CFAP46: variants seen among roughly 807,000 people sequenced by gnomAD.
The protein encoded by CFAP46 is cilia and flagella associated protein 46.
CFAP46 carries 245 observed loss-of-function variants against 325.7 expected under a neutral mutation model. The observed-to-expected ratio is 0.75, with a 90% CI of 0.68 to 0.84. CFAP46 has a LOEUF of 0.84. Ranked by LOEUF, CFAP46 falls within the 40% of genes least tolerant of loss-of-function variation. CFAP46 has a pLI of 0.00. For missense variants in CFAP46, 3,346 were observed against 3,543.0 expected (o/e 0.94, Z 1.41); for synonymous variants, 1,523 against 1,495.9 (o/e 1.02, Z -0.42).
Position 132,835,332 on chromosome 10 carries a change from C to T in CFAP46, c.6716G>A (p.Ser2239Asn). The change falls in exon 47 of 58, where the codon AGT becomes AAT. Residue 2239 changes from serine (S) to asparagine (N), a missense_variant. Coordinates refer to ENST00000368586, the MANE Select transcript of CFAP46 (RefSeq NM_001200049.3). The stretch of plus-strand genomic sequence containing the variant: ...GCCTATGTTCAGGGCCATGTCCTCA[C>T]TGTACACCTGGGCCTGGGTCTGCTT... Reference protein sequence around the residue: ...FRKQTQAQVYSEDMALNIGSE... With the variant: ...FRKQTQAQVYNEDMALNIGSE... 6.2e-7 allele frequency: 1 copy of T among 1,613,570 alleles called. No individual in the cohort carries two copies.
At chr10:132,910,192 A>C in intron 19 of CFAP46, 124 bp from the exon 20 acceptor site, 2 of 920,552 alleles carry the variant, frequency 2.2e-6, no homozygotes, top group Non-Finnish European at 2.9e-6. Flanking sequence ...GGCCTTAAAC[A>C]CGAGACCTCA....
At position 132,910,055 on chromosome 10, in the gene CFAP46, G is replaced by T. The variant is rs1339647575; in HGVS notation, c.2513C>A (p.Ala838Asp). 6 of 1,503,286 alleles carry T rather than the reference G, an allele frequency of 4.0e-6. No individual in the cohort carries two copies. The South Asian group carries it at 7.8e-5, about 19-fold the overall frequency. The allele number at this position is 1,503,286 out of a possible 1,614,324, so 93.1% of individuals were successfully genotyped here. ...CGCACTCCCATTGGTCAGGTTCAGG[G>T]CAAACTCGCAGACCTAGGACAGACG... Reference protein sequence around the residue: ...IKTAVEVCEFALNLTNGSAPE... With the variant: ...IKTAVEVCEFDLNLTNGSAPE... The change falls in exon 20 of 58, where the codon GCC becomes GAC. Residue 838 changes from alanine (A) to aspartate (D), a missense_variant. Ala to Asp is a moderately radical substitution (Grantham distance 126). Transcript: ENST00000368586.
Position 132,832,979 on chromosome 10 carries a change from T to C in CFAP46, c.7117+379A>G, listed in dbSNP as rs913538811. Among the ~76,000 whole-genome samples the C allele has an allele frequency of 5.3e-5, 8 of 152,146 alleles. No homozygotes were observed. The highest frequency in any genetic ancestry group is 1.7e-4 in the African/African-American group (7 of 41,422). ...TTTTGAGTGTTTATATATATACATA[T>C]ATATTTTATTTTTGACAGGGTCTCA... On this transcript the variant is annotated intron_variant, in intron 50 of 57. Coordinates refer to ENST00000368586, the MANE Select transcript of CFAP46 (RefSeq NM_001200049.3). The surrounding 1 kb of genome is among the most constrained non-coding windows in gnomAD (Gnocchi z 4.1).
At position 132,869,232 on chromosome 10, in the gene CFAP46, G is replaced by A. The variant is rs145933645; in HGVS notation, c.4610+42C>T. 4.5e-5 allele frequency: 66 copies of A among 1,472,474 alleles called. No individual in the cohort carries two copies. The African/African-American group carries it at 5.7e-4, about 13-fold the overall frequency. 91.2% of individuals were successfully genotyped at this position (1,472,474 alleles called of 1,614,324 possible). ...GCTTTCACCTGGCCGCACCAAGGGC[G>A]AGACTCAAACCCCAGGCGGCGCAGG... is the stretch of plus-strand genomic sequence containing the variant. On this transcript the variant is annotated intron_variant, in intron 33 of 57. Coordinates refer to ENST00000368586, the MANE Select transcript of CFAP46 (RefSeq NM_001200049.3). The surrounding 1 kb of genome is among the most constrained non-coding windows in gnomAD (Gnocchi z 6.2).
intron 17 of CFAP46, among the ~76,000 whole-genome samples, chr10:132,913,805 T>C (rs1277126005): frequency 8.6e-6 from 1 of 116,046 alleles, no homozygotes; most frequent in Admixed American, 9.2e-5. Flanking sequence ...GGGGGCTGCA[T>C]GGGGCAGAGC....
intron 24 of CFAP46, among the ~76,000 whole-genome samples, chr10:132,897,604 G>A (rs1015028483): frequency 6.6e-6 from 1 of 152,264 alleles, no homozygotes; most frequent in Non-Finnish European, 1.5e-5. Context: ...CTGGGGCCAG[G>A]AAGCTGCATC....
At chr10:132,812,731 G>T in intron 55 of CFAP46, 54 bp downstream of exon 55, 1 of 1,342,400 alleles carries the variant, frequency 7.4e-7, no homozygotes, top group Non-Finnish European at 1.1e-6. Context: ...TCTGCCCTCA[G>T]GCGGGTTTGT....
chr10:132,850,199 G>A, intron 41 of CFAP46, 45 bp downstream of exon 41: 1 of 1,535,976 alleles, frequency 6.5e-7, no homozygotes, highest in South Asian at 1.2e-5. Context: ...AGGCACGGGT[G>A]ACTGGTGTTG....
chr10:132,821,267 G>C (rs551031547), intron 50 of CFAP46, among the ~76,000 whole-genome samples: 1 of 142,958 alleles, frequency 7.0e-6, no homozygotes, highest in Admixed American at 6.9e-5. Context: ...GAGCGCTGAT[G>C]TGTGCTGTGT....
In CFAP46 at chr10:132,808,509, T is replaced by C; in HGVS notation, c.8060A>G (p.Gln2687Arg). ...RGWSCVSSRG[Q>R]DKGGLPLAAL... is the part of the protein sequence containing the mutation. ...CGCCAAGGGGAGGCCGCCCTTGTCC[T>C]GGCCCCGGGAAGAGACGCAGCTCCA... Residue 2687 changes from glutamine to arginine, a missense_variant, in exon 58 of 58, where the codon CAG becomes CGG. Physicochemically the swap from Gln to Arg is conservative, Grantham distance 43. Coordinates refer to ENST00000368586, the MANE Select transcript of CFAP46 (RefSeq NM_001200049.3). This position sits in a 1 kb window ranked among gnomAD's most constrained non-coding sequence, Gnocchi z 6.8. 6.2e-7 allele frequency: 1 copy of C among 1,613,218 alleles called. No individual in the cohort carries two copies.
In CFAP46 at chr10:132,850,660, C is replaced by G. The variant is rs564042943; in HGVS notation, c.5764-228G>C. Among the ~76,000 whole-genome samples, 8 of 152,152 alleles carry G rather than the reference C, an allele frequency of 5.3e-5. No homozygotes were observed. The East Asian group carries it at 1.5e-3, about 29-fold the overall frequency. The stretch of plus-strand genomic sequence containing the variant: ...CTCACTGACAAATCAGTTTTAGGCC[C>G]GTCTTTGGTCCATTTATACTTATGT... On this transcript the variant is annotated intron_variant, in intron 40 of 57. Coordinates refer to ENST00000368586, the MANE Select transcript of CFAP46 (RefSeq NM_001200049.3).
chr10:132,942,141 T>C (rs1299173627), intron 1 of CFAP46, 37 bp from the exon 2 acceptor site: 14 of 1,549,922 alleles, frequency 9.0e-6, no homozygotes, highest in Non-Finnish European at 1.1e-5. Flanking sequence ...GTTTGGTCAC[T>C]GGGCTGGGAG....
intron 22 of CFAP46, among the ~76,000 whole-genome samples, chr10:132,902,629 G>C (rs1849406808): frequency 6.6e-6 from 1 of 152,172 alleles, no homozygotes; most frequent in South Asian, 2.1e-4. Flanking sequence ...TCTGTTGGCT[G>C]TTTTTTCTAT....
rs372092733 is a variant in CFAP46 at position 132,834,164 on chromosome 10, T to C, written c.6867-41A>G. On this transcript the variant is annotated intron_variant, in intron 48 of 57. Transcript: ENST00000368586. ...TATATTCGGGTTTAAGAAACAGAGA[T>C]AACAAACGCTTGGAATATAGGCGAC... is the stretch of plus-strand genomic sequence containing the variant. 4 of 1,590,404 alleles carry C rather than the reference T, an allele frequency of 2.5e-6. No homozygotes were observed. In the African/African-American group the frequency reaches 5.4e-5, roughly 21 times the overall value.
intron 24 of CFAP46, chr10:132,898,697 CTG>C (rs1306304150): frequency 1.1e-5 from 6 of 557,726 alleles, no homozygotes; most frequent in Non-Finnish European, 2.0e-5. Flanking sequence ...CTACCCGCTG[CTG>C]TGTGTCTCCA....
At chr10:132,849,748 G>A (rs1479283686) in intron 41 of CFAP46, among the ~76,000 whole-genome samples, 1 of 152,194 alleles carries the variant, frequency 6.6e-6, no homozygotes, top group Non-Finnish European at 1.5e-5. Flanking sequence ...GCTGTAGGGG[G>A]TGGGGGATGG....
rs145408424 is a variant in CFAP46 at position 132,846,824 on chromosome 10, G to A, written c.6267+108C>T. On this transcript the variant is annotated intron_variant, in intron 43 of 57. Transcript: ENST00000368586. The stretch of plus-strand genomic sequence containing the variant: ...CACTGCTTAAGGACCCTGGCCTGCG[G>A]CCTGCTTCTCTAATGGAGTCCCCCC... 349 of 1,371,180 alleles carry A rather than the reference G, an allele frequency of 2.5e-4. 1 individual carries two copies. The Middle Eastern group carries it at 2.9e-3, about 12-fold the overall frequency. The allele number at this position is 1,371,180 out of a possible 1,614,324, so 84.9% of individuals were successfully genotyped here.
rs192351050 is a variant in CFAP46 at position 132,924,724 on chromosome 10, C to T, written c.1228G>A (p.Val410Ile). ...RHHLRKPLAG[V>I]ADVLEKLDSL... The stretch of plus-strand genomic sequence containing the variant: ...TCCAGCTTCTCCAGCACGTCCGCAA[C>T]GCCAGCCAGGGGCTTCCGCAGGTGG... Residue 410 changes from valine to isoleucine, a missense_variant, in exon 11 of 58, where the codon GTT becomes ATT. By Grantham distance (29) the Val-to-Ile change is conservative (BLOSUM62 3). Transcript: ENST00000368586. 832 of 1,539,110 alleles carry T rather than the reference C, an allele frequency of 5.4e-4. 6 individuals carry two copies. The East Asian group carries it at 0.014, about 26-fold the overall frequency.
At position 132,832,173 on chromosome 10, in the gene CFAP46, A is replaced by G. The variant is rs151108985; in HGVS notation, c.7117+1185T>C. ...TTTTGAAAATAAAGGCGTTTTAAGT[A>G]TTTATCCGTGTTTTCACTATTTTCA... On this transcript the variant is annotated intron_variant, in intron 50 of 57. Transcript: ENST00000368586. The surrounding 1 kb of genome is among the most constrained non-coding windows in gnomAD (Gnocchi z 4.1). 2.8e-4 allele frequency among the ~76,000 whole-genome samples: 43 copies of G among 152,198 alleles called. No individual in the cohort carries two copies. The East Asian group carries it at 6.0e-3, about 21-fold the overall frequency.
Sources: allele counts gnomAD v4.1 joint callset (sites outside exome capture counted in the v4.1 genomes callset), GRCh38; gene constraint gnomAD v4.1.1; non-coding constraint Gnocchi (gnomAD v3.1); transcripts MANE v1.5; gene names NCBI Gene and HGNC (gene_info 2026-07-23, HGNC 2026-07-21).